LSAMP: variants seen among roughly 807,000 people sequenced by gnomAD.
LSAMP encodes limbic system associated membrane protein.
LSAMP carries 7 observed loss-of-function variants against 38.6 expected under a neutral mutation model. The observed-to-expected ratio is 0.18, with a 90% CI of 0.10 to 0.34. The LOEUF is 0.34. LSAMP is among the 10% of genes least tolerant of loss of function. The pLI, the probability that LSAMP is intolerant of heterozygous loss-of-function variation, is 1.00. For synonymous variants in LSAMP, 154 were observed against 166.8 expected (o/e 0.92, Z 0.59); for missense variants, 313 against 420.0 (o/e 0.75, Z 2.23).
At chr3:116,418,333 C>A (rs1172709254) in intron 1 of LSAMP, among the ~76,000 whole-genome samples, 2 of 152,072 alleles carry the variant, frequency 1.3e-5, no homozygotes, top group Non-Finnish European at 2.9e-5. Flanking sequence ...GTGTAAAAAC[C>A]CAATTTGTCA....
chr3:116,381,098 T>G (rs1034515416), intron 1 of LSAMP, among the ~76,000 whole-genome samples: 4 of 152,114 alleles, frequency 2.6e-5, no homozygotes, highest in African/African-American at 9.7e-5. Context: ...CCCCTCTTTT[T>G]GTTTGTTACT....
At chr3:116,197,130 G>GACAC (rs10650049) in intron 1 of LSAMP, among the ~76,000 whole-genome samples, 21,699 of 136,490 alleles carry the variant, frequency 0.16, 1,806 homozygotes, top group Admixed American at 0.19. Context: ...ATCCCACTCG[G>GACAC]ACACACACAC....
chr3:116,071,412 A>G (rs1378675862), intron 2 of LSAMP, among the ~76,000 whole-genome samples: 1 of 151,874 alleles, frequency 6.6e-6, no homozygotes, highest in African/African-American at 2.4e-5. Context: ...TATAAACTAA[A>G]TAATATAAAT....
At chr3:116,057,199 G>T (rs1941505483) in intron 2 of LSAMP, among the ~76,000 whole-genome samples, 1 of 152,106 alleles carries the variant, frequency 6.6e-6, no homozygotes, top group African/African-American at 2.4e-5. Context: ...TTGCTTAGTG[G>T]CACATTTACC....
intron 1 of LSAMP, among the ~76,000 whole-genome samples, chr3:116,427,789 G>C (rs546559176): frequency 1.3e-5 from 2 of 152,134 alleles, no homozygotes; most frequent in South Asian, 4.1e-4. Flanking sequence ...AGAGGGCTAG[G>C]CATACTAACT....
intron 1 of LSAMP, chr3:116,359,909 T>G (rs1353719964): frequency 6.6e-6 from 1 of 152,192 alleles, no homozygotes; most frequent in Non-Finnish European, 1.5e-5. Flanking sequence ...AGTCAAGACA[T>G]AGGCACAGGC....
chr3:115,853,772 C>T (rs1935407799), intron 3 of LSAMP, among the ~76,000 whole-genome samples: 1 of 152,158 alleles, frequency 6.6e-6, no homozygotes, highest in Non-Finnish European at 1.5e-5. Flanking sequence ...AATTTCAAAA[C>T]TCCACTGTTA....
chr3:115,960,369 G>A (rs1208410115), intron 3 of LSAMP, among the ~76,000 whole-genome samples: 4 of 152,154 alleles, frequency 2.6e-5, no homozygotes, highest in Non-Finnish European at 5.9e-5. Flanking sequence ...CACCCAGTCT[G>A]CGCTATTTTG....
intron 1 of LSAMP, among the ~76,000 whole-genome samples, chr3:116,151,657 A>AC (rs1282367066): frequency 2.1e-4 from 32 of 152,008 alleles, no homozygotes; most frequent in African/African-American, 7.7e-4. Context: ...TTGCTATTGA[A>AC]CCTTGAGTGA....
At chr3:116,282,366 GTTCTT>G (rs1447244778) in intron 1 of LSAMP, among the ~76,000 whole-genome samples, 1 of 152,082 alleles carries the variant, frequency 6.6e-6, no homozygotes, top group Non-Finnish European at 1.5e-5. Flanking sequence ...AAAAAAATCT[GTTCTT>G]TTAACTAGTG....
At chr3:115,835,079 T>C (rs1934740914) in intron 6 of LSAMP, among the ~76,000 whole-genome samples, 1 of 152,202 alleles carries the variant, frequency 6.6e-6, no homozygotes, top group Non-Finnish European at 1.5e-5. Context: ...AAAAATTTAC[T>C]GTGGACAATA....
chr3:116,419,602 T>C (rs1254313941), intron 1 of LSAMP, among the ~76,000 whole-genome samples: 2 of 152,062 alleles, frequency 1.3e-5, no homozygotes, highest in Non-Finnish European at 2.9e-5. Flanking sequence ...AGACACTTAT[T>C]TGGGGTAAAG....
At chr3:116,284,656 C>T (rs2047170649) in intron 1 of LSAMP, among the ~76,000 whole-genome samples, 1 of 152,156 alleles carries the variant, frequency 6.6e-6, no homozygotes, top group African/African-American at 2.4e-5. Context: ...GAAGGATAAA[C>T]CCTGCATTTA....
intron 1 of LSAMP, among the ~76,000 whole-genome samples, chr3:116,122,065 C>T (rs150086731): frequency 8.2e-4 from 125 of 151,524 alleles, no homozygotes; most frequent in African/African-American, 2.8e-3. Flanking sequence ...GCTATGACTG[C>T]GCAAAAATAA....
At chr3:115,955,374 T>C (rs1576253756) in intron 3 of LSAMP, among the ~76,000 whole-genome samples, 1 of 152,184 alleles carries the variant, frequency 6.6e-6, no homozygotes, top group African/African-American at 2.4e-5. Context: ...TTTTTCCTGA[T>C]AGTTTCTTTA....
At chr3:116,300,802 C>G (rs1362440445) in intron 1 of LSAMP, among the ~76,000 whole-genome samples, 2 of 152,098 alleles carry the variant, frequency 1.3e-5, no homozygotes, top group Non-Finnish European at 2.9e-5. Flanking sequence ...ACTTAAACTT[C>G]TAGCAATGAT....
chr3:116,400,920 GCATAT>G (rs1272732679), intron 1 of LSAMP, among the ~76,000 whole-genome samples: 1 of 152,102 alleles, frequency 6.6e-6, no homozygotes, highest in African/African-American at 2.4e-5. Context: ...TGTGACCTGT[GCATAT>G]ATACTACCTA....
intron 1 of LSAMP, among the ~76,000 whole-genome samples, chr3:116,387,820 G>A (rs369560185): frequency 1.3e-5 from 2 of 152,100 alleles, no homozygotes; most frequent in Admixed American, 6.5e-5. Flanking sequence ...TTTGCCGGGC[G>A]CAGTATCTCA....
chr3:116,240,726 A>T (rs1210062867), intron 1 of LSAMP, among the ~76,000 whole-genome samples: 1 of 152,218 alleles, frequency 6.6e-6, no homozygotes, highest in African/African-American at 2.4e-5. Flanking sequence ...GTAAGAAAAA[A>T]ATATGTTTTT....
Sources: gnomAD v4.1 joint callset for allele counts (sites outside exome capture counted in the v4.1 genomes callset) on GRCh38, gnomAD v4.1.1 for gene constraint, MANE v1.5 for transcripts, NCBI Gene and HGNC (gene_info 2026-07-23, HGNC 2026-07-21) for gene names.